Variants in FUT9 observed in about 807,000 individuals in gnomAD.
FUT9 encodes the protein fucosyltransferase 9.
FUT9 carries 15 observed loss-of-function variants against 29.7 expected under a neutral mutation model. That is an observed-to-expected ratio of 0.51 (90% CI 0.34 to 0.78). The LOEUF is 0.78. Among genes scored for constraint, FUT9 ranks in the 30% least tolerant of loss-of-function variants. The pLI, the probability that FUT9 is intolerant of heterozygous loss-of-function variation, is 0.01. For missense variants in FUT9, 319 were observed against 425.4 expected (o/e 0.75, Z 2.20); for synonymous variants, 169 against 153.7 (o/e 1.10, Z -0.74).
chr6:96,129,380 C>T (rs1031753855), intron 2 of FUT9, among the ~76,000 whole-genome samples: 8 of 151,278 alleles, frequency 5.3e-5, no homozygotes, highest in Non-Finnish European at 7.4e-5. Flanking sequence ...CCAGAAAGTT[C>T]GAGGCTTCGA....
At chr6:96,172,564 C>A (rs1442676398) in intron 2 of FUT9, among the ~76,000 whole-genome samples, 2 of 151,668 alleles carry the variant, frequency 1.3e-5, no homozygotes, top group African/African-American at 4.8e-5. Context: ...AAATTAGGGT[C>A]TTAGTAGAGT....
intron 2 of FUT9, among the ~76,000 whole-genome samples, chr6:96,193,690 A>G (rs1251744534): frequency 6.6e-6 from 1 of 152,066 alleles, no homozygotes; most frequent in African/African-American, 2.4e-5. Flanking sequence ...TGACCTGGCA[A>G]TCCTGTTACT....
intron 1 of FUT9, among the ~76,000 whole-genome samples, chr6:96,041,003 G>T (rs1000637576): frequency 6.6e-6 from 1 of 151,878 alleles, no homozygotes; most frequent in East Asian, 1.9e-4. Flanking sequence ...GTGACTGCCC[G>T]CCCCCTTTCC....
chr6:96,144,860 T>A (rs190623313), intron 2 of FUT9, among the ~76,000 whole-genome samples: 24 of 152,272 alleles, frequency 1.6e-4, no homozygotes, highest in Admixed American at 7.8e-4. Context: ...ATTAACCACA[T>A]AAGCCCATTT....
chr6:96,197,869 T>G (rs1207080633), intron 2 of FUT9, among the ~76,000 whole-genome samples: 2 of 152,132 alleles, frequency 1.3e-5, no homozygotes, highest in East Asian at 1.9e-4. Flanking sequence ...GTATTGAACT[T>G]TGTTCTATAG....
intron 2 of FUT9, among the ~76,000 whole-genome samples, chr6:96,197,833 C>A (rs1198768937): frequency 1.3e-5 from 2 of 152,124 alleles, no homozygotes; most frequent in Non-Finnish European, 2.9e-5. Context: ...CTCAGCTATC[C>A]TGTTCCATCT....
intron 1 of FUT9, among the ~76,000 whole-genome samples, chr6:96,043,176 C>G (rs959128306): frequency 9.9e-5 from 15 of 152,034 alleles, no homozygotes; most frequent in Non-Finnish European, 1.9e-4. Flanking sequence ...CTCAGCCTCC[C>G]GAGTAGCTGG....
rs570532869 is a variant in FUT9 at position 96,206,792 on chromosome 6, T to C, written c.*2557T>C. On this transcript the variant is annotated 3_prime_UTR_variant, in exon 3 of 3. Transcript: ENST00000302103. The stretch of plus-strand genomic sequence containing the variant: ...GTTTTTTTTGAAGGCAGAAAAACAT[T>C]CAATATTAAAAGCATTCAATATTAT... The C allele has an allele frequency of 1.1e-3, 183 of 167,076 alleles. 1 individual carries two copies. Among genetic ancestry groups the C allele is most frequent in the Non-Finnish European group, 6.9e-4 (47 of 68,096 alleles). 10.3% of individuals were successfully genotyped at this position (167,076 alleles called of 1,614,324 possible). A position where few individuals can be genotyped will look rare whatever the true frequency, so the allele number is the denominator to read the frequency against.
chr6:96,124,053 T>C lies in FUT9; in HGVS notation c.-9+9926T>C, dbSNP rs180922148. Reference sequence around the variant, plus strand: ...GCTAAAGAAAACTTATTTCCTATTTTATTGTCAAGAAATTATATAATTACA... The same window carrying C: ...GCTAAAGAAAACTTATTTCCTATTTCATTGTCAAGAAATTATATAATTACA... On this transcript the variant is annotated intron_variant, in intron 2 of 2. Coordinates refer to ENST00000302103, the MANE Select transcript of FUT9 (RefSeq NM_006581.4). Among the ~76,000 whole-genome samples the C allele has an allele frequency of 4.6e-5, 7 of 152,208 alleles. No homozygotes were observed. In the East Asian group the frequency reaches 1.2e-3, roughly 25 times the overall value.
intron 2 of FUT9, among the ~76,000 whole-genome samples, chr6:96,183,553 C>T (rs1443462995): frequency 2.0e-5 from 3 of 152,038 alleles, no homozygotes; most frequent in Non-Finnish European, 2.9e-5. Context: ...AATTTTTCCC[C>T]ATTCAGTATT....
intron 1 of FUT9, among the ~76,000 whole-genome samples, chr6:96,082,345 A>G (rs540477539): frequency 4.0e-5 from 6 of 151,854 alleles, no homozygotes; most frequent in African/African-American, 1.4e-4. Flanking sequence ...ACACATGTAG[A>G]GATTTACTTT....
At chr6:96,031,459 T>G (rs1286062789) in intron 1 of FUT9, among the ~76,000 whole-genome samples, 2 of 151,490 alleles carry the variant, frequency 1.3e-5, no homozygotes, top group Non-Finnish European at 3.0e-5. Context: ...GTAGTCAGAC[T>G]AGTAAACATA....
intron 1 of FUT9, among the ~76,000 whole-genome samples, chr6:96,044,823 ATAAAT>A (rs755658087): frequency 1.3e-5 from 2 of 152,248 alleles, no homozygotes; most frequent in African/African-American, 4.8e-5. Flanking sequence ...AGAGTACTGT[ATAAAT>A]TAATCATTTT....
At chr6:96,113,999 C>T (rs1433013782) in intron 1 of FUT9, 40 bp from the exon 2 acceptor site, 1 of 152,104 alleles carries the variant, frequency 6.6e-6, no homozygotes, top group African/African-American at 2.4e-5. Flanking sequence ...ACATCCAGTG[C>T]ATTTAACTAA....
chr6:96,095,664 C>T (rs1021785114), intron 1 of FUT9, among the ~76,000 whole-genome samples: 1 of 152,064 alleles, frequency 6.6e-6, no homozygotes, highest in Non-Finnish European at 1.5e-5. Context: ...TTCTTCTCAT[C>T]TTTACAATTT....
At chr6:96,195,543 G>A (rs187723719) in intron 2 of FUT9, among the ~76,000 whole-genome samples, 12 of 152,198 alleles carry the variant, frequency 7.9e-5, no homozygotes, top group Admixed American at 7.2e-4. Flanking sequence ...GAAAATTGTG[G>A]GAACTTAGAG....
rs571166405 is a variant in FUT9 at position 96,135,817 on chromosome 6, C to T, written c.-9+21690C>T. Among the ~76,000 whole-genome samples the T allele has an allele frequency of 5.9e-5, 9 of 151,774 alleles. No individual in the cohort carries two copies. In the East Asian group the frequency reaches 1.7e-3, roughly 29 times the overall value. On this transcript the variant is annotated intron_variant, in intron 2 of 2. Coordinates refer to ENST00000302103, the MANE Select transcript of FUT9 (RefSeq NM_006581.4). Reference sequence around the variant, plus strand: ...TAGATCTTATTACATGTTCTTACCACAATTTTTTAAAAATATAAAGTAGAA... The same window carrying T: ...TAGATCTTATTACATGTTCTTACCATAATTTTTTAAAAATATAAAGTAGAA...
At chr6:96,059,568 A>C (rs1280057273) in intron 1 of FUT9, among the ~76,000 whole-genome samples, 1 of 152,218 alleles carries the variant, frequency 6.6e-6, no homozygotes, top group Non-Finnish European at 1.5e-5. Context: ...ATCAGGAAAA[A>C]TAACAATCTT....
chr6:96,098,178 A>G (rs1167744792), intron 1 of FUT9, among the ~76,000 whole-genome samples: 4 of 152,116 alleles, frequency 2.6e-5, no homozygotes, highest in African/African-American at 7.2e-5. Context: ...TGCTTCTTAG[A>G]TCTTCTCTTT....
Sources: gnomAD v4.1 joint callset for allele counts (sites outside exome capture counted in the v4.1 genomes callset) on GRCh38, gnomAD v4.1.1 for gene constraint, MANE v1.5 for transcripts, NCBI Gene and HGNC (gene_info 2026-07-23, HGNC 2026-07-21) for gene names.